M1AP: variants seen among roughly 807,000 people sequenced by gnomAD.
M1AP encodes the protein meiosis 1 associated protein, also known as meiosis 1 arrest protein.
A neutral mutation model predicts 51.2 loss-of-function variants in M1AP; 39 were observed. The observed-to-expected ratio is 0.76, with a 90% CI of 0.59 to 1.00. M1AP has a LOEUF of 1.00. Among genes scored for constraint, M1AP ranks in the 50% least tolerant of loss-of-function variants. The pLI, the probability that M1AP is intolerant of heterozygous loss-of-function variation, is 0.00. For synonymous variants in M1AP, 251 were observed against 249.2 expected (o/e 1.01, Z -0.07); for missense variants, 545 against 641.2 (o/e 0.85, Z 1.62).
At chr2:74,561,583 G>A (rs947038311) in intron 8 of M1AP, among the ~76,000 whole-genome samples, 3 of 152,048 alleles carry the variant, frequency 2.0e-5, no homozygotes, top group Admixed American at 6.5e-5. Flanking sequence ...CTGATTTTTT[G>A]GGTCTCCTTT....
chr2:74,561,091 A>AGAAGGAGGAGG (rs1677909260), intron 8 of M1AP, among the ~76,000 whole-genome samples: 1 of 47,870 alleles, frequency 2.1e-5, no homozygotes, highest in Non-Finnish European at 4.1e-5. Context: ...GGAGGAGGAG[A>AGAAGGAGGAGG]AGGAGAAGGA....
chr2:74,579,732 C>G (rs964869843), intron 5 of M1AP, among the ~76,000 whole-genome samples: 1 of 152,092 alleles, frequency 6.6e-6, no homozygotes, highest in Non-Finnish European at 1.5e-5. Flanking sequence ...AATACTACTT[C>G]TAAGTGACAA....
chr2:74,640,462 TA>T (rs1683229658), intron 1 of M1AP, 135 bp from the exon 2 acceptor site: 16 of 676,404 alleles, frequency 2.4e-5, no homozygotes, highest in East Asian at 6.3e-5. Context: ...CAGGCCATCC[TA>T]TTTTTTTTTT....
chr2:74,647,380 G>A (rs1041934370), intron 1 of M1AP: 3 of 985,212 alleles, frequency 3.0e-6, no homozygotes, highest in Non-Finnish European at 3.6e-6. Flanking sequence ...ACTTTGTCGC[G>A]TGATAAACGA....
chr2:74,609,702 A>G lies in M1AP; in HGVS notation c.427-2479T>C, dbSNP rs532749404. 2.6e-5 allele frequency among the ~76,000 whole-genome samples: 4 copies of G among 152,284 alleles called. No homozygotes were observed. The South Asian group carries it at 8.3e-4, about 32-fold the overall frequency. On this transcript the variant is annotated intron_variant, in intron 3 of 10. Transcript: ENST00000421985. Reference sequence around the variant, plus strand: ...AAATGTAAGGAGGGTCCCCTTCTCCATCTCCTCACCAATATTTGTTATTTT... The same window carrying G: ...AAATGTAAGGAGGGTCCCCTTCTCCGTCTCCTCACCAATATTTGTTATTTT...
intron 7 of M1AP, among the ~76,000 whole-genome samples, chr2:74,570,174 T>G (rs1678644178): frequency 6.6e-6 from 1 of 152,142 alleles, no homozygotes; most frequent in Non-Finnish European, 1.5e-5. Context: ...ACACCAATAC[T>G]TAGTGAGGGT....
chr2:74,583,724 A>C (rs1222037209), intron 4 of M1AP, among the ~76,000 whole-genome samples: 1 of 152,236 alleles, frequency 6.6e-6, no homozygotes. Context: ...TTCTAGAATG[A>C]CATTCCTGAG....
At chr2:74,565,733 G>A (rs1678333201) in intron 7 of M1AP, among the ~76,000 whole-genome samples, 1 of 151,486 alleles carries the variant, frequency 6.6e-6, no homozygotes, top group Middle Eastern at 3.2e-3. Flanking sequence ...GGAAGCTGAG[G>A]CAGGAGAATC....
intron 7 of M1AP, among the ~76,000 whole-genome samples, chr2:74,566,380 C>T (rs981506506): frequency 2.6e-5 from 4 of 151,920 alleles, no homozygotes; most frequent in Admixed American, 6.6e-5. Context: ...AGGCTTCATA[C>T]CGAAATTATT....
At chr2:74,624,243 C>T in intron 2 of M1AP, among the ~76,000 whole-genome samples, 1 of 152,094 alleles carries the variant, frequency 6.6e-6, no homozygotes, top group East Asian at 1.9e-4. Flanking sequence ...ATCAGAAAGT[C>T]AAGTTAGAGA....
intron 8 of M1AP, 58 bp from the exon 9 acceptor site, chr2:74,560,349 G>A (rs1677834418): frequency 2.0e-6 from 3 of 1,514,736 alleles, no homozygotes; most frequent in East Asian, 2.3e-5. Context: ...AACACAAGAT[G>A]TCAGGTAGCG....
At chr2:74,598,942 G>T (rs577366382) in intron 4 of M1AP, among the ~76,000 whole-genome samples, 3 of 151,760 alleles carry the variant, frequency 2.0e-5, no homozygotes, top group Non-Finnish European at 4.4e-5. Flanking sequence ...ATACTTTGAT[G>T]AACAGAAATT....
intron 4 of M1AP, among the ~76,000 whole-genome samples, chr2:74,584,022 A>G (rs1679562145): frequency 6.6e-6 from 1 of 152,216 alleles, no homozygotes; most frequent in Non-Finnish European, 1.5e-5. Flanking sequence ...TTATAAAGCA[A>G]CATGAATCTT....
chr2:74,572,538 C>G (rs970973168), intron 7 of M1AP, among the ~76,000 whole-genome samples: 1 of 152,180 alleles, frequency 6.6e-6, no homozygotes, highest in African/African-American at 2.4e-5. Flanking sequence ...TCAGGCTAGT[C>G]TTGAATTCCT....
chr2:74,578,661 CAT>C (rs1679230743), intron 5 of M1AP, among the ~76,000 whole-genome samples: 1 of 152,254 alleles, frequency 6.6e-6, no homozygotes, highest in African/African-American at 2.4e-5. Context: ...AAAAGAAACT[CAT>C]GTGTAACTCA....
At chr2:74,641,886 C>A (rs1190036144) in intron 1 of M1AP, among the ~76,000 whole-genome samples, 1 of 150,906 alleles carries the variant, frequency 6.6e-6, no homozygotes, top group Non-Finnish European at 1.5e-5. Context: ...ACTCTTGTTG[C>A]CCAGGCTGGA....
intron 7 of M1AP, among the ~76,000 whole-genome samples, chr2:74,568,634 CA>C (rs1678537110): frequency 6.6e-6 from 1 of 152,208 alleles, no homozygotes; most frequent in South Asian, 2.1e-4. Context: ...CCCCCAAACA[CA>C]TTTGCCAAAT....
intron 3 of M1AP, among the ~76,000 whole-genome samples, chr2:74,612,117 G>A (rs866010616): frequency 2.6e-5 from 4 of 151,044 alleles, no homozygotes; most frequent in South Asian, 2.1e-4. Context: ...GGTCTCGATC[G>A]CCTGACCTCG....
At chr2:74,577,029 CT>C (rs1320184990) in intron 5 of M1AP, 1 of 393,118 alleles carries the variant, frequency 2.5e-6, no homozygotes, top group East Asian at 1.3e-4. Flanking sequence ...AGAAGGAAAT[CT>C]TGCTTCTGCT....
Sources: gnomAD v4.1 joint callset for allele counts (sites outside exome capture counted in the v4.1 genomes callset) on GRCh38, gnomAD v4.1.1 for gene constraint, MANE v1.5 for transcripts, NCBI Gene and HGNC (gene_info 2026-07-23, HGNC 2026-07-21) for gene names.